DEAF1: variants seen among roughly 807,000 people sequenced by gnomAD.
The protein encoded by DEAF1 is DEAF1 transcription factor.
DEAF1 carries 53 observed loss-of-function variants against 58.9 expected under a neutral mutation model. That is an observed-to-expected ratio of 0.90 (90% CI 0.72 to 1.13). The LOEUF (loss-of-function observed/expected upper bound fraction) is 1.13, where lower values mean the gene tolerates loss of function less well. Among genes scored for constraint, DEAF1 ranks in the 50% most tolerant of loss-of-function variants. The probability of loss-of-function intolerance (pLI) is 0.00; values close to 1 mark genes in which losing one functional copy is unlikely to be tolerated. For synonymous variants in DEAF1, 385 were observed against 340.4 expected (o/e 1.13, Z -1.44); for missense variants, 685 against 791.4 (o/e 0.87, Z 1.61).
intron 7 of DEAF1, among the ~76,000 whole-genome samples, chr11:680,329 G>A (rs1860297219): frequency 6.6e-6 from 1 of 152,088 alleles, no homozygotes; most frequent in African/African-American, 2.4e-5. Context: ...GAGCTGACAG[G>A]GTGTTTTAGA....
chr11:672,793 A>G (rs1456252095), intron 10 of DEAF1, among the ~76,000 whole-genome samples: 1 of 152,120 alleles, frequency 6.6e-6, no homozygotes, highest in African/African-American at 2.4e-5. Context: ...AGCTGCAGTG[A>G]GCTGAGATTG....
chr11:646,343 A>G (rs1261257172), intron 11 of DEAF1: 1 of 152,006 alleles, frequency 6.6e-6, no homozygotes, highest in East Asian at 1.9e-4. Flanking sequence ...AAACTGCAGC[A>G]TCGGGTGCAG....
chr11:664,105 C>A (rs1433578520), intron 10 of DEAF1, among the ~76,000 whole-genome samples: 1 of 151,938 alleles, frequency 6.6e-6, no homozygotes, highest in Non-Finnish European at 1.5e-5. Context: ...CCCAGCTACT[C>A]AGGAGGCTGA....
At chr11:687,100 C>T in intron 4 of DEAF1, 103 bp from the exon 5 acceptor site, 1 of 1,545,712 alleles carries the variant, frequency 6.5e-7, no homozygotes, top group Non-Finnish European at 8.8e-7. Context: ...GCACCAGCGC[C>T]CCAGCGGCTC....
chr11:663,835 G>A (rs182607532), intron 10 of DEAF1, among the ~76,000 whole-genome samples: 69 of 152,306 alleles, frequency 4.5e-4, no homozygotes, highest in African/African-American at 1.5e-3. Flanking sequence ...TCTAGGAGAC[G>A]GCCACATCAC....
At chr11:698,254 A>G (rs1197427025), upstream of DEAF1, among the ~76,000 whole-genome samples, 1 of 152,056 alleles carries the variant, frequency 6.6e-6, no homozygotes, top group Non-Finnish European at 1.5e-5. Context: ...TCAGAATCAA[A>G]AAGGAGGAAA....
intron 10 of DEAF1, among the ~76,000 whole-genome samples, chr11:657,387 C>G (rs757563973): frequency 3.3e-5 from 5 of 152,116 alleles, no homozygotes; most frequent in Non-Finnish European, 7.3e-5. Context: ...GGCAGGAGCT[C>G]CCTAGGGCCA....
intron 1 of DEAF1, chr11:702,979 G>T (rs759571254): frequency 6.2e-7 from 1 of 1,610,180 alleles, no homozygotes. Context: ...CTGAGAGGCC[G>T]CTGGCCGCCA....
chr11:694,590 A>AGCAGGTGTGAGGG (rs1364565321), intron 1 of DEAF1, 169 bp downstream of exon 1: 2 of 401,964 alleles, frequency 5.0e-6, no homozygotes, highest in Non-Finnish European at 7.0e-6. Context: ...GGTCACGTGG[A>AGCAGGTGTGAGGG]GCAGGTGTGA....
At chr11:691,692 C>G (rs1230995356) in intron 1 of DEAF1, 94 bp from the exon 2 acceptor site, 1 of 1,049,686 alleles carries the variant, frequency 9.5e-7, no homozygotes, top group Non-Finnish European at 1.4e-6. Flanking sequence ...AGTGACTCCC[C>G]CTCAGGTGTG....
At chr11:659,812 G>A (rs534247519) in intron 10 of DEAF1, among the ~76,000 whole-genome samples, 9 of 152,354 alleles carry the variant, frequency 5.9e-5, no homozygotes, top group African/African-American at 1.7e-4. Flanking sequence ...GAGACAGAGC[G>A]GGAGAGGGGA....
intron 6 of DEAF1, among the ~76,000 whole-genome samples, chr11:682,359 G>A (rs560430067): frequency 6.6e-5 from 10 of 152,324 alleles, no homozygotes; most frequent in East Asian, 3.9e-4. Flanking sequence ...TGGGTTCTTC[G>A]CTGTGGCTTT....
chr11:694,547 T>TGGGGCAGGTGTGC (rs1299849003), intron 1 of DEAF1: 8 of 231,922 alleles, frequency 3.4e-5, no homozygotes, highest in African/African-American at 8.1e-5. Context: ...GCTAGTCACG[T>TGGGGCAGGTGTGC]GGGGCAGGTG....
At chr11:656,097 G>C (rs959428955) in intron 10 of DEAF1, among the ~76,000 whole-genome samples, 3 of 149,860 alleles carry the variant, frequency 2.0e-5, no homozygotes, top group African/African-American at 7.4e-5. Context: ...GCCCCCCAAA[G>C]TGCTGGGATT....
rs1465913038 is a variant in DEAF1 at position 644,400 on chromosome 11, A to G, written c.*150T>C. The G allele has an allele frequency of 2.8e-6, 2 of 701,824 alleles. No individual in the cohort carries two copies. The highest frequency in any genetic ancestry group is 1.8e-5 in the African/African-American group (1 of 56,984). 43.5% of individuals were successfully genotyped at this position (701,824 alleles called of 1,614,324 possible). A position where few individuals can be genotyped will look rare whatever the true frequency, so the allele number is the denominator to read the frequency against. ...GCGCTTCCCAGGGCACCATTCGCTTAAAGTGTGTTAATGACTTGTCCAGCA... is the reference window on the plus strand; with the variant it reads ...GCGCTTCCCAGGGCACCATTCGCTTGAAGTGTGTTAATGACTTGTCCAGCA... On this transcript the variant is annotated 3_prime_UTR_variant, in exon 12 of 12. Transcript: ENST00000382409. The surrounding 1 kb of genome is among the most constrained non-coding windows in gnomAD (Gnocchi z 4.3).
At position 687,874 on chromosome 11, in the gene DEAF1, G is replaced by A. The variant is rs192969753; in HGVS notation, c.664+37C>T. 6,158 of 1,613,308 alleles carry A rather than the reference G, an allele frequency of 3.8e-3. 19 individuals carry two copies. Among genetic ancestry groups the A allele is most frequent in the Non-Finnish European group, 3.8e-3 (4,523 of 1,179,460 alleles). On this transcript the variant is annotated intron_variant, in intron 4 of 11. Coordinates refer to ENST00000382409, the MANE Select transcript of DEAF1 (RefSeq NM_021008.4). ...ATTTATGCTAGGGGGGTTACAAAGG[G>A]GAATACAACTTTGGAGTCTGAAGTG...
At chr11:698,675 C>T (rs1861308013), upstream of DEAF1, among the ~76,000 whole-genome samples, 1 of 152,130 alleles carries the variant, frequency 6.6e-6, no homozygotes, top group African/African-American at 2.4e-5. Flanking sequence ...GCAGAGACTC[C>T]TAGCCTCATT....
chr11:683,687 T>TTG lies in DEAF1; in HGVS notation c.870+1209_870+1210dup, dbSNP rs557830820. 1.3e-4 allele frequency among the ~76,000 whole-genome samples: 20 copies of TTG among 152,380 alleles called. No individual in the cohort carries two copies. In the East Asian group the frequency reaches 3.7e-3, roughly 28 times the overall value. On this transcript the variant is annotated intron_variant, in intron 6 of 11. Coordinates refer to ENST00000382409, the MANE Select transcript of DEAF1 (RefSeq NM_021008.4). ...AATCCTGCTGGGATTTTGATAGTCA[T>TTG]TGTGTTAAACCTACGAATCAACTTG...
intron 1 of DEAF1, chr11:704,765 T>C: frequency 1.3e-6 from 1 of 743,460 alleles, no homozygotes; most frequent in Non-Finnish European, 1.9e-6. Context: ...CAGCCTGGAC[T>C]GTCTCCTGAG....
Sources: allele counts gnomAD v4.1 joint callset (sites outside exome capture counted in the v4.1 genomes callset), GRCh38; gene constraint gnomAD v4.1.1; non-coding constraint Gnocchi (gnomAD v3.1); transcripts MANE v1.5; gene names NCBI Gene and HGNC (gene_info 2026-07-23, HGNC 2026-07-21).